The following ALMS1 variants were observed in gnomAD, a reference collection of about 807,000 sequenced individuals.
ALMS1 encodes the protein ALMS1 centrosome and basal body associated protein.
Under a neutral mutation model 352.2 loss-of-function variants are expected in ALMS1, and 271 were observed. The ratio of observed to expected loss-of-function variants is 0.77; its 90% CI spans 0.70 to 0.85. The LOEUF is 0.85. Ranked by LOEUF, ALMS1 falls within the 40% of genes least tolerant of loss-of-function variation. The pLI, the probability that ALMS1 is intolerant of heterozygous loss-of-function variation, is 0.00. For missense variants in ALMS1, 5,445 were observed against 4,870.7 expected (o/e 1.12, Z -3.51); for synonymous variants, 1,865 against 1,761.2 (o/e 1.06, Z -1.48).
chr2:73,594,625 G>T (rs1441009702), intron 16 of ALMS1, among the ~76,000 whole-genome samples: 1 of 152,192 alleles, frequency 6.6e-6, no homozygotes, highest in Non-Finnish European at 1.5e-5. Context: ...TACTTATGGG[G>T]CAGCCAGTTC....
At chr2:73,401,837 C>T (rs541194876) in intron 1 of ALMS1, among the ~76,000 whole-genome samples, 2 of 152,214 alleles carry the variant, frequency 1.3e-5, no homozygotes, top group Non-Finnish European at 2.9e-5. Flanking sequence ...CTGCATCTCC[C>T]CATTTCCTCC....
At position 73,520,027 on chromosome 2, in the gene ALMS1, G is replaced by A. The variant is rs970258030; in HGVS notation, c.9781+11G>A. On this transcript the variant is annotated intron_variant, in intron 11 of 22. Transcript: ENST00000613296. ...CTCGCGGCACAGATGGTAAGAGAAT[G>A]TGATTGCATTTTAGATTGTTAGACC... is the stretch of plus-strand genomic sequence containing the variant. 1 of 1,614,064 alleles carries A rather than the reference G, an allele frequency of 6.2e-7. No homozygotes were observed.
chr2:73,404,215 G>A (rs1670928434), intron 1 of ALMS1, among the ~76,000 whole-genome samples: 1 of 152,138 alleles, frequency 6.6e-6, no homozygotes, highest in African/African-American at 2.4e-5. Context: ...TTCTAACAGT[G>A]TCGATTTTAG....
At chr2:73,473,174 GA>G (rs967588363) in intron 9 of ALMS1, among the ~76,000 whole-genome samples, 108 of 152,182 alleles carry the variant, frequency 7.1e-4, no homozygotes, top group African/African-American at 2.6e-3. Context: ...AGTAGGATGT[GA>G]AGGCTAAGAT....
intron 9 of ALMS1, among the ~76,000 whole-genome samples, chr2:73,485,078 C>G (rs999078954): frequency 2.6e-5 from 4 of 152,222 alleles, no homozygotes; most frequent in Non-Finnish European, 5.9e-5. Flanking sequence ...CTCAGCTCGT[C>G]AAAGTCATTC....
chr2:73,409,164 C>T (rs1437392160), intron 2 of ALMS1, among the ~76,000 whole-genome samples: 1 of 152,064 alleles, frequency 6.6e-6, no homozygotes, highest in Non-Finnish European at 1.5e-5. Flanking sequence ...GAGTGAGCCA[C>T]CACTCTTGGC....
At chr2:73,575,662 T>C (rs1214063291) in intron 16 of ALMS1, among the ~76,000 whole-genome samples, 1 of 152,194 alleles carries the variant, frequency 6.6e-6, no homozygotes, top group East Asian at 1.9e-4. Context: ...CCATTTTAAA[T>C]CTGGCTGTTT....
In ALMS1 at chr2:73,602,234, G is replaced by T. The variant is rs752714698; in HGVS notation, c.12164G>T (p.Arg4055Leu). 1.9e-6 allele frequency: 3 copies of T among 1,614,086 alleles called. No homozygotes were observed. The East Asian group carries it at 6.7e-5, about 36-fold the overall frequency. The change falls in exon 20 of 23, where the codon CGG (arginine) becomes CTG (leucine). Residue 4055 changes from arginine (R) to leucine (L), a missense_variant. Physicochemically the swap from Arg to Leu is moderately radical, Grantham distance 102. Transcript: ENST00000613296. The stretch of plus-strand genomic sequence containing the variant: ...GACTTCATCTCCCGCTCTGGGGAGC[G>T]GATAAAGCGCCTGAAGTTAATAGTC... The part of the protein sequence containing the change: ...RPDFISRSGE[R>L]IKRLKLIVQE...
chr2:73,566,797 T>C (rs1248108664), intron 15 of ALMS1, among the ~76,000 whole-genome samples: 1 of 152,212 alleles, frequency 6.6e-6, no homozygotes, highest in African/African-American at 2.4e-5. Flanking sequence ...TAGCTCCAAA[T>C]TGGGGTGGTG....
chr2:73,518,087 G>GT (rs59981832), intron 10 of ALMS1, among the ~76,000 whole-genome samples: 5,344 of 143,008 alleles, frequency 0.037, 224 homozygotes, highest in African/African-American at 0.1. Flanking sequence ...GTACCCAGTA[G>GT]TTTTTTTTTT....
chr2:73,564,179 T>A (rs1415666474), intron 15 of ALMS1, among the ~76,000 whole-genome samples: 1 of 152,014 alleles, frequency 6.6e-6, no homozygotes, highest in East Asian at 1.9e-4. Context: ...ATTTAAAATA[T>A]GTAAGGCTGG....
chr2:73,466,489 TG>T (rs1356358718), intron 9 of ALMS1, among the ~76,000 whole-genome samples: 3 of 17,318 alleles, frequency 1.7e-4, no homozygotes, highest in Admixed American at 9.7e-4. Flanking sequence ...TGTTGTGGGG[TG>T]GGGGGAGGGG....
At position 73,602,225 on chromosome 2, in the gene ALMS1, C is replaced by T. The variant is rs1190081649; in HGVS notation, c.12155C>T (p.Ser4052Phe). The T allele has an allele frequency of 2.5e-6, 4 of 1,614,108 alleles. No homozygotes were observed. Among genetic ancestry groups the T allele is most frequent in the East Asian group, 4.5e-5 (2 of 44,878 alleles). ...CACAGACCTGACTTCATCTCCCGCT[C>T]TGGGGAGCGGATAAAGCGCCTGAAG... ...QFHRPDFISR[S>F]GERIKRLKLI... The change falls in exon 20 of 23, where the codon TCT becomes TTT. Residue 4052 changes from serine to phenylalanine, a missense_variant. By Grantham distance (155) the Ser-to-Phe change is radical. Transcript: ENST00000613296.
intron 7 of ALMS1, among the ~76,000 whole-genome samples, chr2:73,443,952 A>G (rs1210644977): frequency 1.3e-5 from 2 of 151,860 alleles, no homozygotes; most frequent in Non-Finnish European, 2.9e-5. Flanking sequence ...AATGGCCTAT[A>G]TGTCTTTCTT....
intron 12 of ALMS1, among the ~76,000 whole-genome samples, chr2:73,540,325 A>G (rs1170636012): frequency 1.3e-5 from 2 of 152,226 alleles, no homozygotes; most frequent in African/African-American, 4.8e-5. Flanking sequence ...ATGCTGAGAG[A>G]TTTTGTCACC....
At chr2:73,548,239 A>G (rs1240779743) in intron 12 of ALMS1, among the ~76,000 whole-genome samples, 1 of 152,212 alleles carries the variant, frequency 6.6e-6, no homozygotes, top group Non-Finnish European at 1.5e-5. Context: ...TTTTATGAAA[A>G]CATACAGATG....
In ALMS1 at chr2:73,489,399, G is replaced by T. The variant is rs563520636; in HGVS notation, c.7675-235G>T. ...ATAGTAATCTTTGCTGTTTACTTTA[G>T]TGGAAATTTTTTAGAAGAACTCTCT... On this transcript the variant is annotated intron_variant, in intron 9 of 22. Transcript: ENST00000613296. 3.9e-5 allele frequency among the ~76,000 whole-genome samples: 6 copies of T among 152,300 alleles called. No homozygotes were observed. The South Asian group carries it at 1.2e-3, about 32-fold the overall frequency.
At chr2:73,442,469 T>C (rs1671738151) in intron 7 of ALMS1, among the ~76,000 whole-genome samples, 1 of 152,174 alleles carries the variant, frequency 6.6e-6, no homozygotes, top group South Asian at 2.1e-4. Context: ...GTTTCTCAAG[T>C]TTTAAATGCC....
intron 7 of ALMS1, among the ~76,000 whole-genome samples, chr2:73,444,330 G>T (rs778038794): frequency 6.7e-6 from 1 of 150,340 alleles, no homozygotes; most frequent in Non-Finnish European, 1.5e-5. Context: ...CTATGACCAG[G>T]TTATAACTTT....
Sources: gnomAD v4.1 joint callset for allele counts (sites outside exome capture counted in the v4.1 genomes callset) on GRCh38, gnomAD v4.1.1 for gene constraint, MANE v1.5 for transcripts, NCBI Gene and HGNC (gene_info 2026-07-23, HGNC 2026-07-21) for gene names.